The following RFFL variants were observed in gnomAD, a reference collection of about 807,000 sequenced individuals.
RFFL encodes the protein ring finger and FYVE like domain containing E3 ubiquitin protein ligase.
Under a neutral mutation model 40.4 loss-of-function variants are expected in RFFL, and 16 were observed. The ratio of observed to expected loss-of-function variants is 0.40; its 90% confidence interval spans 0.27 to 0.60. RFFL has a LOEUF of 0.60. Ranked by LOEUF, RFFL falls within the 20% of genes least tolerant of loss-of-function variation. RFFL has a pLI of 0.47. For synonymous variants in RFFL, 154 were observed against 167.9 expected (o/e 0.92, Z 0.64); for missense variants, 367 against 451.7 (o/e 0.81, Z 1.70).
At position 35,006,620 on chromosome 17, in the gene RFFL, C is replaced by G. The variant is rs1240319186; in HGVS notation, c.*5348G>C. 3 of 152,230 alleles carry G rather than the reference C, an allele frequency of 2.0e-5. No individual in the cohort carries two copies. Among genetic ancestry groups the G allele is most frequent in the African/African-American group, 7.2e-5 (3 of 41,434 alleles). 9.4% of individuals were successfully genotyped at this position (152,230 alleles called of 1,614,324 possible). A position where few individuals can be genotyped will look rare whatever the true frequency, so the allele number is the denominator to read the frequency against. On this transcript the variant is annotated 3_prime_UTR_variant, in exon 7 of 7. Transcript: ENST00000394597. The stretch of plus-strand genomic sequence containing the variant: ...GGGCCTAACCTATGACTTTAGAACC[C>G]TCAGTTGCAGGTGTGCATGTTCCAG...
In RFFL at chr17:35,009,008, C is replaced by T. The variant is rs1055503388; in HGVS notation, c.*2960G>A. On this transcript the variant is annotated 3_prime_UTR_variant, in exon 7 of 7. Transcript: ENST00000394597. ...TCTCAAACTCCTGAGCTCAAGCAGT[C>T]TTCCCACCTTGGCCTCCTAAAGTGT... 4 of 152,506 alleles carry T rather than the reference C, an allele frequency of 2.6e-5. No individual in the cohort carries two copies. The highest frequency in any genetic ancestry group is 9.6e-5 in the African/African-American group (4 of 41,464). 9.4% of individuals were successfully genotyped at this position (152,506 alleles called of 1,614,324 possible).
At chr17:35,070,362 G>T (rs949798774) in intron 1 of RFFL, among the ~76,000 whole-genome samples, 2 of 152,050 alleles carry the variant, frequency 1.3e-5, no homozygotes, top group African/African-American at 4.8e-5. Context: ...TAGAGATGGG[G>T]TCTCAATATG....
intron 3 of RFFL, chr17:35,018,576 A>G (rs770891170): frequency 6.6e-6 from 1 of 152,230 alleles, no homozygotes; most frequent in East Asian, 1.9e-4. Flanking sequence ...TGGGGATGCC[A>G]GTGAAGGGAC....
chr17:35,012,261 A>C, intron 6 of RFFL, 112 bp from the exon 7 acceptor site: 1 of 871,140 alleles, frequency 1.1e-6, no homozygotes, highest in South Asian at 1.8e-5. Flanking sequence ...CATTGTAAAC[A>C]AAGTCTCAGT....
chr17:35,024,174 G>A (rs111454892), intron 2 of RFFL, among the ~76,000 whole-genome samples: 105 of 152,272 alleles, frequency 6.9e-4, no homozygotes, highest in Non-Finnish European at 1.0e-3. Flanking sequence ...CAAGGATGCC[G>A]TGTGCAGGGT....
In RFFL at chr17:35,006,316, C is replaced by A. The variant is rs990317866; in HGVS notation, c.*5652G>T. On this transcript the variant is annotated 3_prime_UTR_variant, in exon 7 of 7. Transcript: ENST00000394597. ...TGAAGTTCTTATTTTAATTCAACTT[C>A]AAATGGTCACATGTCACTAGTGACT... 6 of 155,230 alleles carry A rather than the reference C, an allele frequency of 3.9e-5. No individual in the cohort carries two copies. Among genetic ancestry groups the A allele is most frequent in the African/African-American group, 1.4e-4 (6 of 41,468 alleles). 9.6% of individuals were successfully genotyped at this position (155,230 alleles called of 1,614,324 possible). A position where few individuals can be genotyped will look rare whatever the true frequency, so the allele number is the denominator to read the frequency against.
intron 1 of RFFL, among the ~76,000 whole-genome samples, chr17:35,060,703 G>A (rs1177701863): frequency 6.6e-6 from 1 of 152,074 alleles, no homozygotes; most frequent in East Asian, 1.9e-4. Context: ...AGCAGCCATG[G>A]GCTCATGTTC....
At chr17:35,027,258 T>C (rs1183483119) in intron 1 of RFFL, among the ~76,000 whole-genome samples, 1 of 152,222 alleles carries the variant, frequency 6.6e-6, no homozygotes, top group Non-Finnish European at 1.5e-5. Context: ...CCTATTATAC[T>C]TTCTTGCACA....
chr17:35,023,493 C>T (rs917375885), intron 2 of RFFL, among the ~76,000 whole-genome samples: 2 of 152,202 alleles, frequency 1.3e-5, no homozygotes, highest in African/African-American at 4.8e-5. Flanking sequence ...TGCATGGCTG[C>T]ACTAGCATTG....
At chr17:35,026,734 T>C in intron 1 of RFFL, among the ~76,000 whole-genome samples, 173 bp from the exon 2 acceptor site, 1 of 152,198 alleles carries the variant, frequency 6.6e-6, no homozygotes, top group Non-Finnish European at 1.5e-5. Flanking sequence ...AGATGGAGTT[T>C]TGCTCTTGTT....
chr17:35,014,107 A>G (rs2090958204), intron 6 of RFFL, among the ~76,000 whole-genome samples: 1 of 152,198 alleles, frequency 6.6e-6, no homozygotes, highest in Admixed American at 6.5e-5. Flanking sequence ...TTGAAAACAC[A>G]TAGCATATTT....
chr17:35,035,044 A>G (rs1321560079), intron 1 of RFFL, among the ~76,000 whole-genome samples: 3 of 152,182 alleles, frequency 2.0e-5, no homozygotes, highest in African/African-American at 7.2e-5. Context: ...CTTTGGTTCT[A>G]ACCTTAAGTG....
chr17:35,087,662 A>T (rs567486721), intron 1 of RFFL, among the ~76,000 whole-genome samples: 84 of 152,338 alleles, frequency 5.5e-4, no homozygotes, highest in African/African-American at 1.9e-3. Context: ...CTTCAATCAC[A>T]ATCAAGATAT....
rs754126605 is a variant in RFFL, at chr17:35,014,740, C to T, written c.910G>A (p.Gly304Arg). The change falls in exon 6 of 7, where the codon GGG becomes AGG. Residue 304 changes from glycine (G) to arginine (R), a missense_variant and splice_region_variant. Physicochemically the swap from Gly to Arg is moderately radical, Grantham distance 125. Transcript: ENST00000394597. ...TTCCCAAACAGAAACAACTACATACCGTTTTGGTCTTCGGCACCACTGACT... is the reference window on the plus strand; with the variant it reads ...TTCCCAAACAGAAACAACTACATACTGTTTTGGTCTTCGGCACCACTGACT... ...HLVSGAEDQN[G>R]GAVPSGLEEN... The T allele has an allele frequency of 1.1e-5, 18 of 1,613,424 alleles. No individual in the cohort carries two copies. The highest frequency in any genetic ancestry group is 1.4e-5 in the Non-Finnish European group (16 of 1,179,524).
rs1400894450 is a variant in RFFL at position 35,007,265 on chromosome 17, A to G, written c.*4703T>C. The G allele has an allele frequency of 1.3e-5, 2 of 152,266 alleles. No individual in the cohort carries two copies. The highest frequency in any genetic ancestry group is 2.4e-5 in the African/African-American group (1 of 41,450). The allele number at this position is 152,266 out of a possible 1,614,324, so 9.4% of individuals were successfully genotyped here. ...GATCATCTTGTCCCTTCTCTGCCTTAGTGTGTGTTATTGCCATTTCAATGT... is the reference window on the plus strand; with the variant it reads ...GATCATCTTGTCCCTTCTCTGCCTTGGTGTGTGTTATTGCCATTTCAATGT... On this transcript the variant is annotated 3_prime_UTR_variant, in exon 7 of 7. Coordinates refer to ENST00000394597, the MANE Select transcript of RFFL (RefSeq NM_001017368.2).
intron 6 of RFFL, among the ~76,000 whole-genome samples, chr17:35,012,665 G>A (rs2090948233): frequency 6.6e-6 from 1 of 152,162 alleles, no homozygotes; most frequent in East Asian, 1.9e-4. Flanking sequence ...GGATCATGGG[G>A]GACCCCTCTG....
intron 1 of RFFL, among the ~76,000 whole-genome samples, chr17:35,070,452 G>A (rs1195224721): frequency 6.6e-6 from 1 of 152,172 alleles, no homozygotes; most frequent in Non-Finnish European, 1.5e-5. Flanking sequence ...TTATAGGTGT[G>A]AGCAGTTTAA....
chr17:35,072,587 G>GCA (rs35045668), intron 1 of RFFL, among the ~76,000 whole-genome samples: 13,835 of 146,340 alleles, frequency 0.095, 1,915 homozygotes, highest in African/African-American at 0.3. Flanking sequence ...ACACACACAT[G>GCA]CACACACACA....
At chr17:35,082,680 T>C (rs1370146250) in intron 1 of RFFL, among the ~76,000 whole-genome samples, 1 of 152,256 alleles carries the variant, frequency 6.6e-6, no homozygotes, top group African/African-American at 2.4e-5. Context: ...ATAAAAATTG[T>C]GTGAGGAAGT....
Sources: gnomAD v4.1 joint callset for allele counts (sites outside exome capture counted in the v4.1 genomes callset) on GRCh38, gnomAD v4.1.1 for gene constraint, MANE v1.5 for transcripts, NCBI Gene and HGNC (gene_info 2026-07-23, HGNC 2026-07-21) for gene names.